ADAMTS19: variants seen among roughly 807,000 people sequenced by gnomAD.
The protein encoded by ADAMTS19 is ADAM metallopeptidase with thrombospondin type 1 motif 19.
Under a neutral mutation model 153.3 loss-of-function variants are expected in ADAMTS19, and 93 were observed. The observed-to-expected ratio is 0.61, with a 90% CI of 0.51 to 0.72. The LOEUF is 0.72. Ranked by LOEUF, ADAMTS19 falls within the 30% of genes least tolerant of loss-of-function variation. The pLI is 0.00. For missense variants in ADAMTS19, 1,482 were observed against 1,552.1 expected (o/e 0.95, Z 0.76); for synonymous variants, 600 against 556.6 (o/e 1.08, Z -1.10).
intron 10 of ADAMTS19, among the ~76,000 whole-genome samples, chr5:129,622,958 C>T (rs114864308): frequency 0.06 from 9,193 of 151,960 alleles, 398 homozygotes; most frequent in Non-Finnish European, 0.087. Context: ...GTGGAAACTA[C>T]AAACGGGGAG....
intron 7 of ADAMTS19, among the ~76,000 whole-genome samples, chr5:129,573,398 G>T (rs1367048546): frequency 6.6e-6 from 1 of 151,770 alleles, no homozygotes; most frequent in Non-Finnish European, 1.5e-5. Flanking sequence ...TTTCTCAGCC[G>T]ACCACGCATC....
At chr5:129,559,534 A>G (rs1202534795) in intron 7 of ADAMTS19, among the ~76,000 whole-genome samples, 2 of 152,184 alleles carry the variant, frequency 1.3e-5, no homozygotes, top group Non-Finnish European at 2.9e-5. Flanking sequence ...GAATCTATGG[A>G]AACAATGTGC....
At chr5:129,728,702 T>C (rs1038209489) in intron 21 of ADAMTS19, among the ~76,000 whole-genome samples, 1 of 152,160 alleles carries the variant, frequency 6.6e-6, no homozygotes, top group African/African-American at 2.4e-5. Context: ...TCCACAGTGG[T>C]AGTAATCTAC....
intron 16 of ADAMTS19, among the ~76,000 whole-genome samples, chr5:129,667,941 A>C (rs955416689): frequency 6.6e-6 from 1 of 152,168 alleles, no homozygotes; most frequent in Non-Finnish European, 1.5e-5. Context: ...TATGCCTACT[A>C]TAACAATTAC....
At chr5:129,608,112 G>GTATATA (rs1219945367) in intron 8 of ADAMTS19, among the ~76,000 whole-genome samples, 78 of 31,828 alleles carry the variant, frequency 2.5e-3, no homozygotes, top group Middle Eastern at 0.026. Context: ...GTGTGTGTGT[G>GTATATA]TGTGTATATA....
intron 2 of ADAMTS19, among the ~76,000 whole-genome samples, chr5:129,479,128 A>G (rs1211065694): frequency 6.6e-6 from 1 of 152,038 alleles, no homozygotes; most frequent in African/African-American, 2.4e-5. Context: ...TAGAGGTGAA[A>G]TTTAAAGCCG....
At chr5:129,477,127 G>T (rs140919250) in intron 2 of ADAMTS19, among the ~76,000 whole-genome samples, 90 of 152,196 alleles carry the variant, frequency 5.9e-4, no homozygotes, top group Non-Finnish European at 1.1e-3. Flanking sequence ...TGTAGGTGAA[G>T]ATTAAATCAA....
At chr5:129,476,164 G>C (rs1184020507) in intron 2 of ADAMTS19, among the ~76,000 whole-genome samples, 1 of 151,862 alleles carries the variant, frequency 6.6e-6, no homozygotes, top group Non-Finnish European at 1.5e-5. Context: ...AAACACAATA[G>C]TGGAGTCTTG....
At chr5:129,684,089 C>G in intron 17 of ADAMTS19, 31 bp from the exon 18 acceptor site, 2 of 1,595,986 alleles carry the variant, frequency 1.3e-6, no homozygotes, top group Non-Finnish European at 1.7e-6. Flanking sequence ...TAGTTTGACC[C>G]ATCTGCCTTG....
intron 2 of ADAMTS19, among the ~76,000 whole-genome samples, chr5:129,462,584 T>G (rs1358876510): frequency 6.6e-6 from 1 of 150,862 alleles, no homozygotes; most frequent in Non-Finnish European, 1.5e-5. Context: ...GGGACAAGCT[T>G]CTATAAGTTG....
chr5:129,585,180 G>T (rs939029451), intron 7 of ADAMTS19, among the ~76,000 whole-genome samples: 1 of 151,558 alleles, frequency 6.6e-6, no homozygotes, highest in African/African-American at 2.4e-5. Context: ...CACTTCCCAG[G>T]TGAGGCAATG....
intron 6 of ADAMTS19, among the ~76,000 whole-genome samples, chr5:129,549,329 A>G (rs1258646742): frequency 1.3e-5 from 2 of 151,664 alleles, no homozygotes; most frequent in Non-Finnish European, 2.9e-5. Context: ...TAAAAATTTC[A>G]CTATGTGTTC....
chr5:129,530,040 C>G (rs1357562772), intron 6 of ADAMTS19, among the ~76,000 whole-genome samples: 3 of 152,004 alleles, frequency 2.0e-5, no homozygotes, highest in Non-Finnish European at 4.4e-5. Flanking sequence ...AGAATAAAAT[C>G]AAATTTATCC....
intron 15 of ADAMTS19, among the ~76,000 whole-genome samples, chr5:129,663,645 C>T (rs984361738): frequency 2.6e-5 from 4 of 152,180 alleles, no homozygotes; most frequent in African/African-American, 7.2e-5. Flanking sequence ...TTAGCCTCCA[C>T]TACTCCTGGA....
chr5:129,712,724 G>A (rs1328726644), intron 21 of ADAMTS19, among the ~76,000 whole-genome samples: 1 of 151,932 alleles, frequency 6.6e-6, no homozygotes, highest in Non-Finnish European at 1.5e-5. Flanking sequence ...TGATATGATC[G>A]ATCAGAGCAG....
intron 7 of ADAMTS19, among the ~76,000 whole-genome samples, chr5:129,566,364 A>T (rs894346279): frequency 6.6e-6 from 1 of 152,178 alleles, no homozygotes; most frequent in Non-Finnish European, 1.5e-5. Flanking sequence ...AGAAGTAACT[A>T]TCTCTGTCTA....
intron 16 of ADAMTS19, among the ~76,000 whole-genome samples, chr5:129,674,840 T>G (rs56137190): frequency 0.11 from 16,005 of 152,218 alleles, 880 homozygotes; most frequent in Middle Eastern, 0.17. Context: ...TTTACCACTA[T>G]CAGCTTCCTT....
At chr5:129,592,377 C>CAAAAA (rs1169388973) in intron 7 of ADAMTS19, among the ~76,000 whole-genome samples, 3 of 79,572 alleles carry the variant, frequency 3.8e-5, no homozygotes, top group Non-Finnish European at 5.0e-5. Context: ...GTCTCCGTTT[C>CAAAAA]AAAAAAAAAA....
At chr5:129,626,199 A>G (rs1263442260) in intron 10 of ADAMTS19, among the ~76,000 whole-genome samples, 2 of 152,084 alleles carry the variant, frequency 1.3e-5, no homozygotes, top group Non-Finnish European at 2.9e-5. Flanking sequence ...CAAAAATCAG[A>G]TGCTCTCCAG....
Sources: allele counts gnomAD v4.1 joint callset (sites outside exome capture counted in the v4.1 genomes callset), GRCh38; gene constraint gnomAD v4.1.1; transcripts MANE v1.5; gene names NCBI Gene and HGNC (gene_info 2026-07-23, HGNC 2026-07-21).